The following DSE variants were observed in gnomAD, a reference collection of about 807,000 sequenced individuals.
The protein encoded by DSE is dermatan sulfate epimerase, also known as dermatan-sulfate epimerase.
DSE carries 36 observed loss-of-function variants against 84.4 expected under a neutral mutation model. The ratio of observed to expected loss-of-function variants is 0.43; its 90% CI spans 0.33 to 0.56. The LOEUF is 0.56. DSE is among the 20% of genes least tolerant of loss of function. The pLI, the probability that DSE is intolerant of heterozygous loss-of-function variation, is 0.06. For synonymous variants in DSE, 410 were observed against 430.1 expected (o/e 0.95, Z 0.58); for missense variants, 862 against 1,169.6 (o/e 0.74, Z 3.84).
chr6:116,259,044 G>T, intron 2 of DSE: 1 of 1,546,448 alleles, frequency 6.5e-7, no homozygotes, highest in Non-Finnish European at 8.9e-7. Flanking sequence ...CATCATCAGT[G>T]CTCCACTTCC....
chr6:116,327,839 GTAAATTTAGAGACACAACAGC>G (rs1309490863), intron 2 of DSE, among the ~76,000 whole-genome samples: 1 of 152,192 alleles, frequency 6.6e-6, no homozygotes, highest in African/African-American at 2.4e-5. Flanking sequence ...TCTTACACAA[GTAAATTTAGAGACACAACAGC>G]TAAAAGTCTT....
intron 2 of DSE, among the ~76,000 whole-genome samples, chr6:116,280,752 G>A (rs1299597608): frequency 6.6e-6 from 1 of 152,188 alleles, no homozygotes; most frequent in Non-Finnish European, 1.5e-5. Context: ...TGCTGTCTTA[G>A]AGAGCTACAA....
At chr6:116,273,082 AC>A (rs1772952374) in intron 2 of DSE, among the ~76,000 whole-genome samples, 1 of 152,212 alleles carries the variant, frequency 6.6e-6, no homozygotes, top group African/African-American at 2.4e-5. Context: ...GGATAAGGAA[AC>A]CAAGATTCAG....
chr6:116,387,730 A>C (rs1054515559), intron 1 of DSE, among the ~76,000 whole-genome samples: 2 of 152,222 alleles, frequency 1.3e-5, no homozygotes, highest in African/African-American at 4.8e-5. Context: ...ATTACCCATA[A>C]AATAATTTTG....
chr6:116,404,853 C>G (rs1451171475), intron 2 of DSE, among the ~76,000 whole-genome samples: 1 of 152,102 alleles, frequency 6.6e-6, no homozygotes, highest in Non-Finnish European at 1.5e-5. Flanking sequence ...CCTTACTTAT[C>G]ATCAGACAGA....
chr6:116,429,586 A>G (rs988699405), intron 3 of DSE, among the ~76,000 whole-genome samples: 1 of 148,208 alleles, frequency 6.7e-6, no homozygotes, highest in Non-Finnish European at 1.5e-5. Flanking sequence ...GCAATGATAC[A>G]TAATTGGGTT....
upstream of DSE, chr6:116,370,207 ACACC>A: frequency 1.1e-5 from 3 of 266,160 alleles, no homozygotes; most frequent in Non-Finnish European, 1.5e-5. Context: ...TCACACACAC[ACACC>A]CCCCCACCGC....
At chr6:116,314,684 A>G (rs1036822419) in intron 2 of DSE, among the ~76,000 whole-genome samples, 4 of 152,212 alleles carry the variant, frequency 2.6e-5, no homozygotes, top group African/African-American at 4.8e-5. Flanking sequence ...GGAAATTATT[A>G]CATATTAAAT....
chr6:116,368,964 T>G (rs1779337913), upstream of DSE, among the ~76,000 whole-genome samples: 1 of 151,142 alleles, frequency 6.6e-6, no homozygotes, highest in Non-Finnish European at 1.5e-5. Flanking sequence ...TTGCACAAAG[T>G]GAATGTCATC....
intron 2 of DSE, among the ~76,000 whole-genome samples, chr6:116,314,708 T>C (rs186850368): frequency 1.3e-5 from 2 of 152,314 alleles, no homozygotes; most frequent in East Asian, 1.9e-4. Context: ...GTCAAAGATT[T>C]ATTTTATAGT....
intron 2 of DSE, among the ~76,000 whole-genome samples, chr6:116,347,931 C>A (rs937062525): frequency 2.1e-5 from 3 of 144,448 alleles, no homozygotes. Flanking sequence ...CTACAAAGAA[C>A]TTAAACAAAT....
chr6:116,268,487 T>C (rs1772735549), intron 2 of DSE, among the ~76,000 whole-genome samples: 1 of 152,226 alleles, frequency 6.6e-6, no homozygotes, highest in South Asian at 2.1e-4. Flanking sequence ...TGAACTGCTA[T>C]GTTCTAGACT....
At chr6:116,338,219 C>CTTTTTTTTTTTTTT (rs893312210) in intron 2 of DSE, among the ~76,000 whole-genome samples, 52 of 91,204 alleles carry the variant, frequency 5.7e-4, no homozygotes, top group Admixed American at 8.0e-4. Flanking sequence ...TTTCTTCTTT[C>CTTTTTTTTTTTTTT]TTTTTTTTTT....
At chr6:116,388,556 G>T (rs1329695810) in intron 1 of DSE, among the ~76,000 whole-genome samples, 1 of 152,166 alleles carries the variant, frequency 6.6e-6, no homozygotes, top group African/African-American at 2.4e-5. Flanking sequence ...CAGAATTAAA[G>T]ATATTTAATT....
intron 2 of DSE, among the ~76,000 whole-genome samples, chr6:116,322,633 T>C (rs982952971): frequency 6.6e-6 from 1 of 151,966 alleles, no homozygotes; most frequent in African/African-American, 2.4e-5. Context: ...ATTGCCTTCT[T>C]CCTAAAATAT....
rs546335786 is a variant in DSE at position 116,426,510 on chromosome 6, T to G, written c.417-64T>G. ...CCTTTAGTTCTGAGAAATAGACACTTTAGAAGTGTGGTGAAAGCTGTGAGT... is the reference window on the plus strand; with the variant it reads ...CCTTTAGTTCTGAGAAATAGACACTGTAGAAGTGTGGTGAAAGCTGTGAGT... On this transcript the variant is annotated intron_variant, in intron 2 of 5. Coordinates refer to ENST00000644252, the MANE Select transcript of DSE (RefSeq NM_013352.4). 505 of 1,575,124 alleles carry G rather than the reference T, an allele frequency of 3.2e-4. 12 individuals are homozygous for G. The South Asian group carries it at 5.8e-3, about 18-fold the overall frequency.
chr6:116,380,434 A>G (rs1206402863), intron 1 of DSE, among the ~76,000 whole-genome samples: 3 of 152,102 alleles, frequency 2.0e-5, no homozygotes, highest in African/African-American at 7.2e-5. Flanking sequence ...AGAGGTTCCA[A>G]GGGCAGAAGA....
intron 1 of DSE, chr6:116,375,433 G>A: frequency 6.7e-6 from 4 of 597,976 alleles, no homozygotes; most frequent in African/African-American, 2.0e-5. Flanking sequence ...GAGCCCAGGA[G>A]TTCGAGGCTG....
intron 2 of DSE, among the ~76,000 whole-genome samples, chr6:116,358,313 T>C (rs1369534246): frequency 2.6e-5 from 4 of 152,230 alleles, no homozygotes; most frequent in East Asian, 1.9e-4. Context: ...TTTGGAGATA[T>C]AATATCACTA....
Sources: allele counts gnomAD v4.1 joint callset (sites outside exome capture counted in the v4.1 genomes callset), GRCh38; gene constraint gnomAD v4.1.1; transcripts MANE v1.5; gene names NCBI Gene and HGNC (gene_info 2026-07-23, HGNC 2026-07-21).